PCDH7: variants seen among roughly 807,000 people sequenced by gnomAD.
The protein encoded by PCDH7 is protocadherin-7.
PCDH7 carries 17 observed loss-of-function variants against 58.9 expected under a neutral mutation model. That is an observed-to-expected ratio of 0.29 (90% CI 0.20 to 0.43). The LOEUF (loss-of-function observed/expected upper bound fraction) is 0.43, where lower values mean the gene tolerates loss of function less well. PCDH7 is among the 20% of genes least tolerant of loss of function. The pLI, the probability that PCDH7 is intolerant of heterozygous loss-of-function variation, is 1.00. For synonymous variants in PCDH7, 664 were observed against 616.4 expected (o/e 1.08, Z -1.14); for missense variants, 1,274 against 1,441.0 (o/e 0.88, Z 1.88).
At chr4:31,004,149 T>C (rs1480325734) in intron 3 of PCDH7, among the ~76,000 whole-genome samples, 1 of 151,986 alleles carries the variant, frequency 6.6e-6, no homozygotes, top group African/African-American at 2.4e-5. Flanking sequence ...GTCCCATTGA[T>C]AAAAAACTGT....
intron 3 of PCDH7, among the ~76,000 whole-genome samples, chr4:31,126,073 T>C (rs1718259426): frequency 6.6e-6 from 1 of 151,864 alleles, no homozygotes; most frequent in Non-Finnish European, 1.5e-5. Context: ...ATCTGTAAAG[T>C]GGAGTAATAT....
intron 3 of PCDH7, among the ~76,000 whole-genome samples, chr4:31,130,736 C>A (rs767247641): frequency 2.0e-5 from 3 of 152,172 alleles, no homozygotes; most frequent in Middle Eastern, 3.2e-3. Context: ...GCCTACATTC[C>A]TTTTCCATCT....
intron 3 of PCDH7, among the ~76,000 whole-genome samples, chr4:31,029,418 T>C (rs572994016): frequency 1.6e-4 from 24 of 152,264 alleles, no homozygotes; most frequent in African/African-American, 5.8e-4. Context: ...TGGGAGTCAA[T>C]GGAGTCTAGA....
chr4:30,778,313 T>A (rs1206817136), intron 1 of PCDH7, among the ~76,000 whole-genome samples: 1 of 152,138 alleles, frequency 6.6e-6, no homozygotes, highest in East Asian at 1.9e-4. Flanking sequence ...AAGCAAATAA[T>A]CTTTTTTTTG....
Position 30,811,134 on chromosome 4 carries a change from G to T in PCDH7, c.70+86538G>T, listed in dbSNP as rs1250815465. Among the ~76,000 whole-genome samples the T allele has an allele frequency of 4.1e-4, 62 of 152,178 alleles. 1 individual carries two copies. Among genetic ancestry groups the T allele is most frequent in the Admixed American group, 4.0e-3 (61 of 15,274 alleles). On this transcript the variant is annotated intron_variant, in intron 1 of 3. Coordinates refer to the PCDH7 transcript ENST00000509759. ...AGACAACTGGATAACCTGAATGACA[G>T]CCAGAAGCTTCAAACATTCCTTTCA...
intron 1 of PCDH7, among the ~76,000 whole-genome samples, chr4:30,801,830 A>G (rs1260210444): frequency 6.6e-6 from 1 of 152,174 alleles, no homozygotes; most frequent in Non-Finnish European, 1.5e-5. Flanking sequence ...TTCAAACACT[A>G]CTGCTGGAAT....
exon 2 of PCDH7, chr4:30,920,310 A>G (rs1743029476): frequency 7.3e-7 from 1 of 1,367,620 alleles, no homozygotes; most frequent in Admixed American, 1.9e-5. Context: ...CTCCCAGAGG[A>G]CAACTATGAA....
At chr4:31,114,210 C>G (rs1262014244) in intron 3 of PCDH7, among the ~76,000 whole-genome samples, 2 of 152,088 alleles carry the variant, frequency 1.3e-5, no homozygotes, top group African/African-American at 4.8e-5. Context: ...AAAAACTTTT[C>G]TAATCAGTAG....
intron 3 of PCDH7, among the ~76,000 whole-genome samples, chr4:31,082,024 G>C (rs564457615): frequency 1.3e-5 from 2 of 152,072 alleles, no homozygotes; most frequent in African/African-American, 2.4e-5. Flanking sequence ...CTGACCTCGC[G>C]ATCTGCCCAC....
Position 30,724,423 on chromosome 4 carries a change from C to T in PCDH7, c.3001C>T (p.Pro1001Ser), listed in dbSNP as rs202059640. Residue 1001 changes from proline to serine, a missense_variant, in exon 1 of 2, where the codon CCA becomes TCA. Coordinates refer to ENST00000361762, the Ensembl canonical transcript of PCDH7. ...GGCAAGGCATTACAAATCTAGTTCC[C>T]CATTGCCTACTGTTCAGCTTCATCC... 6.8e-6 allele frequency: 11 copies of T among 1,613,896 alleles called. No individual in the cohort carries two copies. The highest frequency in any genetic ancestry group is 5.0e-5 in the Admixed American group (3 of 59,984).
intron 1 of PCDH7, among the ~76,000 whole-genome samples, chr4:30,760,217 A>T (rs796174678): frequency 2.2e-4 from 34 of 152,328 alleles, no homozygotes; most frequent in African/African-American, 7.5e-4. Flanking sequence ...TGCTGAAGGA[A>T]TGGAACATTA....
At chr4:31,106,346 T>G (rs575856851) in intron 3 of PCDH7, among the ~76,000 whole-genome samples, 2 of 152,298 alleles carry the variant, frequency 1.3e-5, no homozygotes, top group East Asian at 3.9e-4. Context: ...CAATACAAAA[T>G]TTTTAGATGT....
intron 3 of PCDH7, among the ~76,000 whole-genome samples, chr4:30,971,056 A>G (rs1056038438): frequency 6.6e-6 from 1 of 152,136 alleles, no homozygotes; most frequent in African/African-American, 2.4e-5. Context: ...CTACTTTTTT[A>G]AAGTTATTAG....
Position 30,833,613 on chromosome 4 carries a change from G to A in PCDH7, c.71-86540G>A, listed in dbSNP as rs115313630. Among the ~76,000 whole-genome samples the A allele has an allele frequency of 5.7e-3, 866 of 152,226 alleles. 17 individuals carry two copies. Among genetic ancestry groups the A allele is most frequent in the African/African-American group, 0.02 (835 of 41,522 alleles). ...ACATAGTATATTCATAGGGTACATG[G>A]GTAAGGATGTGGGCATCTTTGGGAG... On this transcript the variant is annotated intron_variant, in intron 1 of 3. Transcript: ENST00000509759.
intron 3 of PCDH7, among the ~76,000 whole-genome samples, chr4:31,012,382 C>T (rs924390823): frequency 2.2e-5 from 3 of 139,350 alleles, no homozygotes; most frequent in African/African-American, 7.4e-5. Context: ...GAAGATGTCT[C>T]AATTTTCATT....
At chr4:31,071,027 A>T (rs1424197550) in intron 3 of PCDH7, among the ~76,000 whole-genome samples, 1 of 152,060 alleles carries the variant, frequency 6.6e-6, no homozygotes, top group Non-Finnish European at 1.5e-5. Flanking sequence ...TTGTGGAAAA[A>T]AGCTTAATTC....
rs908906660 is a variant in PCDH7 at position 30,808,078 on chromosome 4, A to T, written c.70+83482A>T. On this transcript the variant is annotated intron_variant, in intron 1 of 3. Transcript: ENST00000509759. ...TGTGTTGGTGTGCAGAAGCTGACTG[A>T]GATCCAAACATGTACTAAGGTTGTC... Among the ~76,000 whole-genome samples the T allele has an allele frequency of 1.5e-4, 23 of 152,334 alleles. 1 individual carries two copies. Among genetic ancestry groups the T allele is most frequent in the East Asian group, 1.2e-3 (6 of 5,192 alleles).
At chr4:30,776,634 A>C (rs747455540) in intron 1 of PCDH7, among the ~76,000 whole-genome samples, 1 of 152,212 alleles carries the variant, frequency 6.6e-6, no homozygotes, top group Non-Finnish European at 1.5e-5. Flanking sequence ...CTTCAGAGAC[A>C]ACCAATGAGA....
intron 1 of PCDH7, among the ~76,000 whole-genome samples, chr4:30,807,376 C>G (rs1726361048): frequency 6.6e-6 from 1 of 152,110 alleles, no homozygotes; most frequent in Non-Finnish European, 1.5e-5. Context: ...ACATATTTCT[C>G]ATTATTTTCG....
Sources: allele counts gnomAD v4.1 joint callset (sites outside exome capture counted in the v4.1 genomes callset), GRCh38; gene constraint gnomAD v4.1.1; transcripts MANE v1.5; gene names NCBI Gene and HGNC (gene_info 2026-07-23, HGNC 2026-07-21).